The following RRAS variants were observed in gnomAD, a reference collection of about 807,000 sequenced individuals.
The protein encoded by RRAS is ras-related protein R-Ras.
A neutral mutation model predicts 23.3 loss-of-function variants in RRAS; 18 were observed. That is an observed-to-expected ratio of 0.77 (90% CI 0.53 to 1.15). The LOEUF (loss-of-function observed/expected upper bound fraction) is 1.15, where lower values mean the gene tolerates loss of function less well. Among genes scored for constraint, RRAS ranks in the 50% most tolerant of loss-of-function variants. RRAS has a pLI of 0.00. For missense variants in RRAS, 291 were observed against 317.1 expected, an observed-to-expected ratio of 0.92 and a Z score of 0.62; for synonymous variants, 133 against 138.3, an observed-to-expected ratio of 0.96 and a Z score of 0.27.
At position 49,635,514 on chromosome 19, in the gene RRAS, C is replaced by G; in HGVS notation, c.*62G>C. 1 of 1,104,094 alleles carries G rather than the reference C, an allele frequency of 9.1e-7. No homozygotes were observed. The highest frequency in any genetic ancestry group is 1.2e-6 in the Non-Finnish European group (1 of 809,864). 68.4% of individuals were successfully genotyped at this position (1,104,094 alleles called of 1,614,324 possible). On this transcript the variant is annotated 3_prime_UTR_variant, in exon 6 of 6. Transcript: ENST00000246792. ...GGCTCAGTGAGGGCCTCAGGTCACA[C>G]AGCAAGGTGCGAAGGCAGCTAGTCC...
chr19:49,637,684 C>T (rs1013553871), intron 1 of RRAS, among the ~76,000 whole-genome samples: 25 of 151,896 alleles, frequency 1.6e-4, no homozygotes, highest in African/African-American at 6.0e-4. Flanking sequence ...TCTCTGTCCC[C>T]TCTGTCTCTC....
At position 49,635,619 on chromosome 19, in the gene RRAS, G is replaced by A. The variant is rs1043558932; in HGVS notation, c.614C>T (p.Ala205Val). Residue 205 changes from alanine to valine, a missense_variant, in exon 6 of 6, where the codon GCC becomes GTC. By Grantham distance (64) the Ala-to-Val change is moderately conservative. Coordinates refer to ENST00000246792, the MANE Select transcript of RRAS (RefSeq NM_006270.5). ...EQELPPSPPS[A>V]PRKKGGGCPC... ...GCAGCCCCCGCCCTTCTTCCTGGGG[G>A]CACTGGGAGGGCTCGGTGGGAGCTC... 12 of 1,435,066 alleles carry A rather than the reference G, an allele frequency of 8.4e-6. No individual in the cohort carries two copies. Among genetic ancestry groups the A allele is most frequent in the Non-Finnish European group, 1.1e-5 (12 of 1,083,512 alleles). The allele number at this position is 1,435,066 out of a possible 1,614,324, so 88.9% of individuals were successfully genotyped here.
At chr19:49,638,388 C>G (rs2081006608) in intron 1 of RRAS, among the ~76,000 whole-genome samples, 1 of 152,174 alleles carries the variant, frequency 6.6e-6, no homozygotes, top group Non-Finnish European at 1.5e-5. Context: ...CCCGGGGCCT[C>G]TGCGGTAGCA....
chr19:49,637,202 C>G, intron 1 of RRAS, 72 bp from the exon 2 acceptor site: 1 of 1,055,472 alleles, frequency 9.5e-7, no homozygotes, highest in Non-Finnish European at 1.4e-6. Context: ...CTTGGGATGC[C>G]TCTCTCAGTC....
At position 49,635,778 on chromosome 19, in the gene RRAS, A is replaced by ACGC; in HGVS notation, c.525_527dup (p.Arg176dup). ...GCTCAAAAGCCTCGTCCACGTTGAG[A>ACGC]CGCAGTTTGGCCGAGGCCTCAAAGT... On this transcript the variant is annotated inframe_insertion, in exon 5 of 6. Coordinates refer to ENST00000246792, the MANE Select transcript of RRAS (RefSeq NM_006270.5). 1 of 1,584,934 alleles carries ACGC rather than the reference A, an allele frequency of 6.3e-7. No homozygotes were observed. Among genetic ancestry groups the ACGC allele is most frequent in the East Asian group, 2.3e-5 (1 of 42,914 alleles).
Position 49,635,525 on chromosome 19 carries a change from G to A in RRAS, c.*51C>T, listed in dbSNP as rs377291117. The A allele has an allele frequency of 9.4e-5, 114 of 1,218,782 alleles. No homozygotes were observed. Among genetic ancestry groups the A allele is most frequent in the Admixed American group, 2.4e-4 (9 of 36,740 alleles). The allele number at this position is 1,218,782 out of a possible 1,614,324, so 75.5% of individuals were successfully genotyped here. ...GGCCTCAGGTCACACAGCAAGGTGC[G>A]AAGGCAGCTAGTCCCGAGAGCTTGT... On this transcript the variant is annotated 3_prime_UTR_variant, in exon 6 of 6. Coordinates refer to ENST00000246792, the MANE Select transcript of RRAS (RefSeq NM_006270.5).
At position 49,635,624 on chromosome 19, in the gene RRAS, G is replaced by C. The variant is rs1297251901; in HGVS notation, c.609C>G (p.Pro203=). Residue 203 remains proline, a synonymous_variant, in exon 6 of 6, where the codon CCC becomes CCG. Coordinates refer to ENST00000246792, the MANE Select transcript of RRAS (RefSeq NM_006270.5). ...YQEQELPPSP[P]SAPRKKGGGC... is the part of the protein sequence containing the mutation. ...CCCCGCCCTTCTTCCTGGGGGCACT[G>C]GGAGGGCTCGGTGGGAGCTCTTGTT... 6.9e-7 allele frequency: 1 copy of C among 1,439,744 alleles called. No homozygotes were observed. The highest frequency in any genetic ancestry group is 9.2e-7 in the Non-Finnish European group (1 of 1,085,302). 89.2% of individuals were successfully genotyped at this position (1,439,744 alleles called of 1,614,324 possible).
chr19:49,637,990 T>C (rs2081004732), intron 1 of RRAS, among the ~76,000 whole-genome samples: 1 of 152,234 alleles, frequency 6.6e-6, no homozygotes, highest in East Asian at 1.9e-4. Flanking sequence ...CAAAACCCCA[T>C]TAAATATTGA....
chr19:49,638,611 G>A (rs958586577), intron 1 of RRAS, among the ~76,000 whole-genome samples: 4 of 152,258 alleles, frequency 2.6e-5, no homozygotes, highest in Admixed American at 6.5e-5. Flanking sequence ...GGGAGGGATT[G>A]TGGCTCTGGG....
At position 49,635,787 on chromosome 19, in the gene RRAS, G is replaced by C. The variant is rs760720238; in HGVS notation, c.519C>G (p.Ala173=). The change falls in exon 5 of 6, where the codon GCC becomes GCG. Residue 173 remains alanine (A), a synonymous_variant. Coordinates refer to ENST00000246792, the MANE Select transcript of RRAS (RefSeq NM_006270.5). The part of the protein sequence containing the change: ...SHHVAYFEAS[A]KLRLNVDEAF... Reference sequence around the variant, plus strand: ...CCTCGTCCACGTTGAGACGCAGTTTGGCCGAGGCCTCAAAGTAGGCCACGT... The same window carrying C: ...CCTCGTCCACGTTGAGACGCAGTTTCGCCGAGGCCTCAAAGTAGGCCACGT... 1 of 1,599,990 alleles carries C rather than the reference G, an allele frequency of 6.3e-7. No individual in the cohort carries two copies. The highest frequency in any genetic ancestry group is 8.6e-7 in the Non-Finnish European group (1 of 1,169,316).
intron 1 of RRAS, among the ~76,000 whole-genome samples, chr19:49,639,354 G>A (rs1304678771): frequency 6.6e-6 from 1 of 151,746 alleles, no homozygotes; most frequent in Non-Finnish European, 1.5e-5. Flanking sequence ...GAATCCAGGA[G>A]GCAGAGGTTG....
At position 49,640,024 on chromosome 19, in the gene RRAS, C is replaced by CG. The variant is rs755237250; in HGVS notation, c.74dup (p.Pro26AlafsTer32). 2.0e-5 allele frequency: 31 copies of CG among 1,554,938 alleles called. No homozygotes were observed. Among genetic ancestry groups the CG allele is most frequent in the East Asian group, 5.0e-5 (2 of 40,062 alleles). ...CCACCAGCTTGTGTGTCTCGCTGGG[C>CG]GGGGGGTCCCCGGGCCCAGGTCCCC... is the stretch of plus-strand genomic sequence containing the variant. On this transcript the variant is annotated frameshift_variant, in exon 1 of 6. Coordinates refer to ENST00000246792, the MANE Select transcript of RRAS (RefSeq NM_006270.5). LOFTEE classifies it high-confidence loss of function.
intron 1 of RRAS, among the ~76,000 whole-genome samples, chr19:49,638,821 T>C (rs1467793809): frequency 1.3e-5 from 2 of 150,338 alleles, no homozygotes; most frequent in Non-Finnish European, 2.9e-5. Context: ...GCTTCTTCCA[T>C]GGAGATGATT....
chr19:49,639,028 G>A (rs935391947), intron 1 of RRAS, among the ~76,000 whole-genome samples: 1 of 151,990 alleles, frequency 6.6e-6, no homozygotes, highest in Non-Finnish European at 1.5e-5. Flanking sequence ...TTTAAATCTC[G>A]GGTCGGAGAG....
In RRAS at chr19:49,637,104, G is replaced by A; in HGVS notation, c.180C>T (p.Pro60=). 1 of 1,613,348 alleles carries A rather than the reference G, an allele frequency of 6.2e-7. No individual in the cohort carries two copies. The highest frequency in any genetic ancestry group is 8.5e-7 in the Non-Finnish European group (1 of 1,179,898). ...IQSYFVSDYD[P]TIEDSYTKIC... The stretch of plus-strand genomic sequence containing the variant: ...TCTTCGTGTAGGAGTCCTCAATAGT[G>A]GGGTCGTAGTCAGACACGAAGTAGG... Residue 60 remains proline (P), a synonymous_variant, in exon 2 of 6, where the codon CCC becomes CCT. Coordinates refer to ENST00000246792, the MANE Select transcript of RRAS (RefSeq NM_006270.5).
Position 49,635,511 on chromosome 19 carries a change from A to G in RRAS, c.*65T>C. The stretch of plus-strand genomic sequence containing the variant: ...TGAGGCTCAGTGAGGGCCTCAGGTC[A>G]CACAGCAAGGTGCGAAGGCAGCTAG... On this transcript the variant is annotated 3_prime_UTR_variant, in exon 6 of 6. Coordinates refer to ENST00000246792, the MANE Select transcript of RRAS (RefSeq NM_006270.5). 2 of 1,063,640 alleles carry G rather than the reference A, an allele frequency of 1.9e-6. No individual in the cohort carries two copies. Among genetic ancestry groups the G allele is most frequent in the South Asian group, 2.5e-5 (1 of 39,914 alleles). 65.9% of individuals were successfully genotyped at this position (1,063,640 alleles called of 1,614,324 possible). A position where few individuals can be genotyped will look rare whatever the true frequency, so the allele number is the denominator to read the frequency against.
In RRAS at chr19:49,635,480, G is replaced by C; in HGVS notation, c.*96C>G. 1 of 722,094 alleles carries C rather than the reference G, an allele frequency of 1.4e-6. No homozygotes were observed. The highest frequency in any genetic ancestry group is 2.1e-6 in the Non-Finnish European group (1 of 472,690). The allele number at this position is 722,094 out of a possible 1,614,324, so 44.7% of individuals were successfully genotyped here. A position where few individuals can be genotyped will look rare whatever the true frequency, so the allele number is the denominator to read the frequency against. On this transcript the variant is annotated 3_prime_UTR_variant, in exon 6 of 6. Transcript: ENST00000246792. Reference sequence around the variant, plus strand: ...GATGTGTCCTGGGAGACCCAGATGAGGAAATTGAGGCTCAGTGAGGGCCTC... The same window carrying C: ...GATGTGTCCTGGGAGACCCAGATGACGAAATTGAGGCTCAGTGAGGGCCTC...
Position 49,639,824 on chromosome 19 carries a change from G to A in RRAS, c.153+122C>T. On this transcript the variant is annotated intron_variant, in intron 1 of 5. Coordinates refer to ENST00000246792, the MANE Select transcript of RRAS (RefSeq NM_006270.5). ...GTTACAATCTGTGGGGATCTTTTAA[G>A]ATTAGAGGGCCTTATAGGAGGGTCT... 3.9e-6 allele frequency: 3 copies of A among 772,228 alleles called. 1 individual carries two copies. In the South Asian group the frequency reaches 5.5e-5, roughly 14 times the overall value. 47.8% of individuals were successfully genotyped at this position (772,228 alleles called of 1,614,324 possible). A position where few individuals can be genotyped will look rare whatever the true frequency, so the allele number is the denominator to read the frequency against.
At position 49,636,992 on chromosome 19, in the gene RRAS, C is replaced by G; in HGVS notation, c.241+51G>C. On this transcript the variant is annotated intron_variant, in intron 2 of 5. Coordinates refer to ENST00000246792, the MANE Select transcript of RRAS (RefSeq NM_006270.5). The surrounding 1 kb of genome is among the most constrained non-coding windows in gnomAD (Gnocchi z 4.5). The stretch of plus-strand genomic sequence containing the variant: ...CCCCGCAGTCACCCCCAAGAGCCCT[C>G]AGCCCCCACTGACACCACCCCCATC... The G allele has an allele frequency of 1.2e-6, 2 of 1,606,334 alleles. No individual in the cohort carries two copies. Among genetic ancestry groups the G allele is most frequent in the Non-Finnish European group, 1.7e-6 (2 of 1,173,968 alleles).
Sources: gnomAD v4.1 joint callset for allele counts (sites outside exome capture counted in the v4.1 genomes callset) on GRCh38, gnomAD v4.1.1 for gene constraint, Gnocchi (gnomAD v3.1) non-coding constraint, MANE v1.5 for transcripts, NCBI Gene and HGNC (gene_info 2026-07-23, HGNC 2026-07-21) for gene names.